RGS6: variants seen among roughly 807,000 people sequenced by gnomAD.
The protein encoded by RGS6 is regulator of G protein signaling 6, also known as regulator of G-protein signaling 6.
RGS6 carries 30 observed loss-of-function variants against 78.5 expected under a neutral mutation model. The ratio of observed to expected loss-of-function variants is 0.38; its 90% CI spans 0.29 to 0.52. RGS6 has a LOEUF of 0.52. RGS6 is among the 20% of genes least tolerant of loss of function. The probability of loss-of-function intolerance (pLI) is 0.85; values close to 1 mark genes in which losing one functional copy is unlikely to be tolerated. For missense variants in RGS6, 495 were observed against 609.7 expected (o/e 0.81, Z 1.98); for synonymous variants, 206 against 206.0 (o/e 1.00, Z 0.00).
At chr14:72,356,821 T>C (rs1221020895) in intron 3 of RGS6, among the ~76,000 whole-genome samples, 1 of 152,214 alleles carries the variant, frequency 6.6e-6, no homozygotes, top group Non-Finnish European at 1.5e-5. Context: ...TCTGCCATGA[T>C]TGTAAGTTTC....
At chr14:71,983,379 A>G (rs2094548849) in intron 2 of RGS6, among the ~76,000 whole-genome samples, 1 of 152,276 alleles carries the variant, frequency 6.6e-6, no homozygotes, top group South Asian at 2.1e-4. Flanking sequence ...TGTATCTGTC[A>G]GTATGACACT....
chr14:72,426,153 G>C (rs10139942), intron 3 of RGS6, among the ~76,000 whole-genome samples: 21,757 of 152,066 alleles, frequency 0.14, 2,082 homozygotes, highest in African/African-American at 0.27. Context: ...AGTGATCTAA[G>C]CTATATTACT....
chr14:71,943,259 G>T (rs371931041), intron 1 of RGS6, among the ~76,000 whole-genome samples: 1 of 152,070 alleles, frequency 6.6e-6, no homozygotes, highest in African/African-American at 2.4e-5. Context: ...TAGTTTTCTC[G>T]TCTGTGAAAG....
At chr14:72,617,551 A>G in the RGS6 span, among the ~76,000 whole-genome samples, 1 of 152,160 alleles carries the variant, frequency 6.6e-6, no homozygotes, top group Non-Finnish European at 1.5e-5. Flanking sequence ...ACCATTATGT[A>G]TGTGTGTGAT....
intron 1 of RGS6, among the ~76,000 whole-genome samples, chr14:71,935,290 GAAAA>G (rs781696803): frequency 1.3e-5 from 2 of 151,996 alleles, no homozygotes; most frequent in African/African-American, 2.4e-5. Context: ...AAAATACAAA[GAAAA>G]AAATAAAGGT....
intron 2 of RGS6, among the ~76,000 whole-genome samples, chr14:72,025,275 G>C (rs11158930): frequency 0.13 from 19,665 of 151,568 alleles, 1,318 homozygotes; most frequent in East Asian, 0.17. Context: ...GCATCCAATA[G>C]TCCCCTTCAA....
chr14:71,927,819 G>A (rs1170294560), upstream of RGS6, among the ~76,000 whole-genome samples: 7 of 151,624 alleles, frequency 4.6e-5, no homozygotes, highest in Non-Finnish European at 7.4e-5. Context: ...CACCATGCCC[G>A]GCTAATTTTT....
chr14:72,210,725 T>C (rs2153754895), intron 2 of RGS6, among the ~76,000 whole-genome samples: 1 of 152,308 alleles, frequency 6.6e-6, no homozygotes, highest in East Asian at 1.9e-4. Flanking sequence ...TTCTCCACTC[T>C]GCTTTGTCCT....
chr14:72,078,658 T>TC (rs1032145101), intron 2 of RGS6, among the ~76,000 whole-genome samples: 2 of 152,178 alleles, frequency 1.3e-5, no homozygotes, highest in Admixed American at 1.3e-4. Flanking sequence ...CCTCAGGTGA[T>TC]CCACCTGCCT....
chr14:72,165,879 T>C (rs1224275966), intron 2 of RGS6, among the ~76,000 whole-genome samples: 1 of 152,228 alleles, frequency 6.6e-6, no homozygotes, highest in Non-Finnish European at 1.5e-5. Context: ...CAATTCTTGC[T>C]GTGTTAAATA....
chr14:72,027,081 G>T (rs2090006983), intron 2 of RGS6, among the ~76,000 whole-genome samples: 1 of 152,104 alleles, frequency 6.6e-6, no homozygotes, highest in Non-Finnish European at 1.5e-5. Flanking sequence ...AGTAGAAGAG[G>T]AGGCTGGAGA....
At chr14:71,925,790 T>G in the RGS6 span, among the ~76,000 whole-genome samples, 3 of 149,452 alleles carry the variant, frequency 2.0e-5, no homozygotes, top group Non-Finnish European at 4.4e-5. Context: ...TTTTGTCTGT[T>G]TTTATGCCAG....
intron 2 of RGS6, among the ~76,000 whole-genome samples, chr14:71,984,956 G>A (rs960240007): frequency 6.6e-6 from 1 of 152,056 alleles, no homozygotes; most frequent in Non-Finnish European, 1.5e-5. Flanking sequence ...TATGACTAAA[G>A]TTAACATTTT....
At chr14:72,112,904 G>A (rs1172327484) in intron 2 of RGS6, among the ~76,000 whole-genome samples, 1 of 152,132 alleles carries the variant, frequency 6.6e-6, no homozygotes, top group Non-Finnish European at 1.5e-5. Flanking sequence ...ACACACAGGG[G>A]GACAGGCAGA....
chr14:72,107,804 A>G (rs182806138), intron 2 of RGS6, among the ~76,000 whole-genome samples: 51 of 152,138 alleles, frequency 3.4e-4, no homozygotes, highest in Non-Finnish European at 6.6e-4. Context: ...AGAGTATGCT[A>G]GATTAGAATA....
the RGS6 span, among the ~76,000 whole-genome samples, chr14:72,623,461 T>C: frequency 6.6e-6 from 1 of 152,202 alleles, no homozygotes; most frequent in Non-Finnish European, 1.5e-5. Flanking sequence ...CTTAAGGTCA[T>C]ACATAAATGC....
At chr14:72,425,963 C>T (rs188965247) in intron 3 of RGS6, among the ~76,000 whole-genome samples, 88 of 152,158 alleles carry the variant, frequency 5.8e-4, no homozygotes, top group Non-Finnish European at 8.2e-4. Context: ...AGAATCTAAG[C>T]GGTAAAATTG....
intron 2 of RGS6, among the ~76,000 whole-genome samples, chr14:71,972,903 C>T (rs907277867): frequency 6.6e-6 from 1 of 152,122 alleles, no homozygotes; most frequent in African/African-American, 2.4e-5. Flanking sequence ...CTGTGATTCT[C>T]AGAAAGTCTC....
rs373726421 is a variant in RGS6, at chr14:72,126,928, TCTCGC to T, written c.84+162054_84+162058del. On this transcript the variant is annotated intron_variant, in intron 2 of 17. Coordinates refer to ENST00000553525, the MANE Select transcript of RGS6 (RefSeq NM_001204424.2). Reference sequence around the variant, plus strand: ...CATCCCATCATCATCTCTCATCTCATCTCGCAGCTTTAGCTGATCCCATGGTGGGG... The same window carrying T: ...CATCCCATCATCATCTCTCATCTCATAGCTTTAGCTGATCCCATGGTGGGG... Among the ~76,000 whole-genome samples, 1,520 of 152,298 alleles carry T rather than the reference TCTCGC, an allele frequency of 1.0e-2. 20 individuals are homozygous for T. The highest frequency in any genetic ancestry group is 0.034 in the African/African-American group (1,410 of 41,552).
Sources: gnomAD v4.1 joint callset for allele counts (sites outside exome capture counted in the v4.1 genomes callset) on GRCh38, gnomAD v4.1.1 for gene constraint, MANE v1.5 for transcripts, NCBI Gene and HGNC (gene_info 2026-07-23, HGNC 2026-07-21) for gene names.